PLIN3: variants seen among roughly 807,000 people sequenced by gnomAD.
The protein encoded by PLIN3 is perilipin-3.
In PLIN3, 30 loss-of-function variants were observed where a neutral mutation model predicts 35.9. The ratio of observed to expected loss-of-function variants is 0.84; its 90% CI spans 0.62 to 1.13. The LOEUF is 1.13. Among genes scored for constraint, PLIN3 ranks in the 50% most tolerant of loss-of-function variants. The probability of loss-of-function intolerance (pLI) is 0.00; values close to 1 mark genes in which losing one functional copy is unlikely to be tolerated. For missense variants in PLIN3, 603 were observed against 596.9 expected (o/e 1.01, Z -0.11); for synonymous variants, 261 against 262.5 (o/e 0.99, Z 0.06).
chr19:4,848,482 A>G (rs1422306664), intron 5 of PLIN3, among the ~76,000 whole-genome samples: 1 of 152,220 alleles, frequency 6.6e-6, no homozygotes, highest in Non-Finnish European at 1.5e-5. Context: ...ACCTGTGAAT[A>G]TAGGCCTGAA....
At chr19:4,839,671 T>A (rs1050680443) in intron 7 of PLIN3, 135 bp from the exon 8 acceptor site, 2 of 565,980 alleles carry the variant, frequency 3.5e-6, no homozygotes, top group Admixed American at 7.3e-5. Context: ...GCGAAACTTT[T>A]TTTTTTTTTT....
Position 4,858,270 on chromosome 19 carries a change from C to CAAAA in PLIN3, c.348+1316_348+1319dup, listed in dbSNP as rs1188330437. Reference sequence around the variant, plus strand: ...CTGGCAACAGAGCAAGACCCCGTCTCAAAAAAAAAAAAAAAAAAAAAAAAG... The same window carrying CAAAA: ...CTGGCAACAGAGCAAGACCCCGTCTCAAAAAAAAAAAAAAAAAAAAAAAAAAAAG... On this transcript the variant is annotated intron_variant, in intron 4 of 7. Coordinates refer to ENST00000221957, the MANE Select transcript of PLIN3 (RefSeq NM_005817.5). Among the ~76,000 whole-genome samples the CAAAA allele has an allele frequency of 4.4e-3, 224 of 51,082 alleles. 1 individual carries two copies. The highest frequency in any genetic ancestry group is 5.3e-3 in the Non-Finnish European group (158 of 29,740). 33.5% of individuals were successfully genotyped at this position (51,082 alleles called of 152,430 possible).
At chr19:4,857,748 G>T (rs2030520598) in intron 4 of PLIN3, among the ~76,000 whole-genome samples, 1 of 152,054 alleles carries the variant, frequency 6.6e-6, no homozygotes, top group Admixed American at 6.6e-5. Context: ...GGCCAAGGCA[G>T]GTGGATCACC....
chr19:4,856,704 T>C (rs1404342964), intron 4 of PLIN3, among the ~76,000 whole-genome samples: 2 of 136,858 alleles, frequency 1.5e-5, no homozygotes, highest in African/African-American at 5.5e-5. Flanking sequence ...TGAAGGAGGG[T>C]GTTTTTTTTT....
At position 4,859,602 on chromosome 19, in the gene PLIN3, C is replaced by T. The variant is rs773495293; in HGVS notation, c.336G>A (p.Gln112=). The stretch of plus-strand genomic sequence containing the variant: ...CGGACATCGTTACCTTCTCCGTGGG[C>T]TGCTGCAGGATGGGGAGGTTCTCCT... ...KLEENLPILQ[Q]PTEKVLADTK... Residue 112 remains glutamine (Q), a synonymous_variant, in exon 4 of 8, where the codon CAG becomes CAA. Coordinates refer to ENST00000221957, the MANE Select transcript of PLIN3 (RefSeq NM_005817.5). 5.0e-6 allele frequency: 8 copies of T among 1,614,082 alleles called. No individual in the cohort carries two copies. In the South Asian group the frequency reaches 8.8e-5, roughly 18 times the overall value.
chr19:4,841,480 A>G (rs1453886578), intron 7 of PLIN3, among the ~76,000 whole-genome samples: 1 of 152,082 alleles, frequency 6.6e-6, no homozygotes, highest in Admixed American at 6.6e-5. Context: ...GCTGATGGGA[A>G]AAGGGTTTCT....
intron 2 of PLIN3, among the ~76,000 whole-genome samples, chr19:4,860,884 T>C (rs1399184062): frequency 6.6e-6 from 1 of 152,048 alleles, no homozygotes; most frequent in Non-Finnish European, 1.5e-5. Flanking sequence ...GGCAGGAGAA[T>C]TGCTTGAACC....
At chr19:4,856,148 C>T (rs967259488) in intron 4 of PLIN3, among the ~76,000 whole-genome samples, 7 of 152,078 alleles carry the variant, frequency 4.6e-5, no homozygotes, top group Non-Finnish European at 1.0e-4. Context: ...GTCCTGCCTC[C>T]AACCCAGGGA....
chr19:4,855,951 C>T (rs2030461356), intron 4 of PLIN3, among the ~76,000 whole-genome samples: 1 of 148,426 alleles, frequency 6.7e-6, no homozygotes, highest in Non-Finnish European at 1.5e-5. Flanking sequence ...TGCAAGTTGA[C>T]AACCGCTCTG....
At chr19:4,866,752 C>T (rs543464573) in intron 1 of PLIN3, 3 of 152,400 alleles carry the variant, frequency 2.0e-5, no homozygotes, top group African/African-American at 7.2e-5. Context: ...ATTCTCAAGT[C>T]CCACTTAGGA....
At chr19:4,851,757 G>A (rs1427991411) in intron 5 of PLIN3, among the ~76,000 whole-genome samples, 1 of 152,062 alleles carries the variant, frequency 6.6e-6, no homozygotes, top group Non-Finnish European at 1.5e-5. Context: ...AGGGCTGTGG[G>A]CAGAGGGACG....
At chr19:4,851,284 G>C (rs1043752309) in intron 5 of PLIN3, among the ~76,000 whole-genome samples, 5 of 152,042 alleles carry the variant, frequency 3.3e-5, no homozygotes, top group African/African-American at 1.2e-4. Flanking sequence ...GGCCAACATA[G>C]TGAAACCCCG....
At position 4,847,706 on chromosome 19, in the gene PLIN3, C is replaced by A. The variant is rs371698315; in HGVS notation, c.819G>T (p.Ser273=). Residue 273 remains serine (S), a synonymous_variant, in exon 6 of 8, where the codon TCG becomes TCT. Coordinates refer to ENST00000221957, the MANE Select transcript of PLIN3 (RefSeq NM_005817.5). Reference sequence around the variant, plus strand: ...GGAACCTCACCAGGCTTAGGACCTGCGACAGCTGCAGCAGAGCCTCCTGTG... The same window carrying A: ...GGAACCTCACCAGGCTTAGGACCTGAGACAGCTGCAGCAGAGCCTCCTGTG... ...QRAQEALLQL[S]QVLSLMETVK... The A allele has an allele frequency of 6.2e-7, 1 of 1,603,446 alleles. No homozygotes were observed. Among genetic ancestry groups the A allele is most frequent in the Middle Eastern group, 1.9e-4 (1 of 5,404 alleles).
At position 4,861,937 on chromosome 19, in the gene PLIN3, C is replaced by CT. The variant is rs557508442; in HGVS notation, c.-17-527dup. On this transcript the variant is annotated intron_variant, in intron 1 of 7. Coordinates refer to ENST00000221957, the MANE Select transcript of PLIN3 (RefSeq NM_005817.5). ...TGTGAGCCACCACACCTGATCCTTT[C>CT]TTTTTTTTTTTTCTCATTAAAGACA... 9.8e-4 allele frequency among the ~76,000 whole-genome samples: 139 copies of CT among 142,480 alleles called. 1 individual carries two copies. The South Asian group carries it at 0.01, about 10-fold the overall frequency. 93.5% of individuals were successfully genotyped at this position (142,480 alleles called of 152,430 possible).
At chr19:4,862,600 G>A (rs1021507461) in intron 1 of PLIN3, among the ~76,000 whole-genome samples, 4 of 152,110 alleles carry the variant, frequency 2.6e-5, no homozygotes, top group African/African-American at 9.7e-5. Context: ...CTGGTCCCTG[G>A]GACACACGTC....
Position 4,839,259 on chromosome 19 carries a change from G to A in PLIN3, c.1238C>T (p.Pro413Leu). The A allele has an allele frequency of 6.2e-7, 1 of 1,613,712 alleles. No individual in the cohort carries two copies. Among genetic ancestry groups the A allele is most frequent in the Non-Finnish European group, 8.5e-7 (1 of 1,179,740 alleles). ...AAAGGGTCCCACGAGCCACGTGACAGGTGTGTTCTGGGCCACATATTCCAC... is the reference window on the plus strand; with the variant it reads ...AAAGGGTCCCACGAGCCACGTGACAAGTGTGTTCTGGGCCACATATTCCAC... The part of the protein sequence containing the change: ...HMVEYVAQNT[P>L]VTWLVGPFAP... The change falls in exon 8 of 8, where the codon CCT (proline) becomes CTT (leucine). Residue 413 changes from proline (P) to leucine (L), a missense_variant. Coordinates refer to ENST00000221957, the MANE Select transcript of PLIN3 (RefSeq NM_005817.5).
rs984952523 is a variant in PLIN3 at position 4,859,908 on chromosome 19, G to A, written c.183C>T (p.Asp61=). The change falls in exon 3 of 8, where the codon GAC becomes GAT. Residue 61 remains aspartate (D), a synonymous_variant. Coordinates refer to ENST00000221957, the MANE Select transcript of PLIN3 (RefSeq NM_005817.5). ...ESYPHIKTVC[D]AAEKGVRTLT... ...GGGTCCTCACTCCCTTCTCTGCTGC[G>A]TCGCAGACAGTCTTGATGTGCGGGT... 12 of 1,613,966 alleles carry A rather than the reference G, an allele frequency of 7.4e-6. No individual in the cohort carries two copies. The highest frequency in any genetic ancestry group is 1.1e-5 in the South Asian group (1 of 91,070).
intron 4 of PLIN3, among the ~76,000 whole-genome samples, chr19:4,852,884 G>A (rs1184283417): frequency 3.3e-5 from 5 of 151,344 alleles, no homozygotes; most frequent in East Asian, 1.9e-4. Flanking sequence ...GTGTGATCTC[G>A]GCTCACTGTA....
chr19:4,861,199 G>C (rs1436390564), intron 2 of PLIN3, 130 bp downstream of exon 2: 22 of 772,126 alleles, frequency 2.8e-5, no homozygotes, highest in Non-Finnish European at 4.9e-5. Context: ...CCCCACTGAG[G>C]AATAAATCCC....
Sources: allele counts gnomAD v4.1 joint callset (sites outside exome capture counted in the v4.1 genomes callset), GRCh38; gene constraint gnomAD v4.1.1; transcripts MANE v1.5; gene names NCBI Gene and HGNC (gene_info 2026-07-23, HGNC 2026-07-21).